The following ROR1 variants were observed in gnomAD, a reference collection of about 807,000 sequenced individuals.
The protein encoded by ROR1 is inactive tyrosine-protein kinase transmembrane receptor ROR1.
Under a neutral mutation model 78.8 loss-of-function variants are expected in ROR1, and 19 were observed. That is an observed-to-expected ratio of 0.24 (90% confidence interval 0.17 to 0.35). ROR1 has a LOEUF of 0.35. Among genes scored for constraint, ROR1 ranks in the 10% least tolerant of loss-of-function variants. ROR1 has a pLI of 1.00. For missense variants in ROR1, 917 were observed against 1,177.8 expected, an observed-to-expected ratio of 0.78 and a Z score of 3.24; for synonymous variants, 386 against 433.6, an observed-to-expected ratio of 0.89 and a Z score of 1.36.
intron 1 of ROR1, among the ~76,000 whole-genome samples, chr1:63,786,156 A>G: frequency 6.6e-6 from 1 of 150,900 alleles, no homozygotes; most frequent in East Asian, 2.0e-4. Context: ...AAAGGTGCAG[A>G]GAAAGTCCAG....
intron 1 of ROR1, among the ~76,000 whole-genome samples, chr1:63,863,788 A>C (rs1645197782): frequency 6.8e-6 from 1 of 146,758 alleles, no homozygotes; most frequent in African/African-American, 2.6e-5. Flanking sequence ...ATTGTATTGT[A>C]TTGTATTGTA....
intron 7 of ROR1, among the ~76,000 whole-genome samples, chr1:64,152,958 A>G (rs1649669799): frequency 6.6e-6 from 1 of 152,210 alleles, no homozygotes; most frequent in African/African-American, 2.4e-5. Flanking sequence ...TAAGAATGTC[A>G]TAAGTCACTT....
chr1:64,142,602 A>G lies in ROR1; in HGVS notation c.1126A>G (p.Thr376Ala). 6.2e-7 allele frequency: 1 copy of G among 1,614,120 alleles called. No individual in the cohort carries two copies. Among genetic ancestry groups the G allele is most frequent in the Non-Finnish European group, 8.5e-7 (1 of 1,180,024 alleles). The stretch of plus-strand genomic sequence containing the variant: ...TCAAAAGGAAGCTCCCTGGTGCTTC[A>G]CCTTGGATGAAAACTTTAAGTCTGA... ...GNQKEAPWCF[T>A]LDENFKSDLC... Residue 376 changes from threonine (T) to alanine (A), a missense_variant, in exon 7 of 9, where the codon ACC (threonine) becomes GCC (alanine). Around this residue, in one of 3 missense-constraint regions of ROR1, gnomAD observed 835 missense variants for 1,069.8 expected, o/e 0.78. Coordinates refer to ENST00000371079, the MANE Select transcript of ROR1 (RefSeq NM_005012.4).
chr1:63,856,080 T>C (rs990187472), intron 1 of ROR1, among the ~76,000 whole-genome samples: 3 of 144,304 alleles, frequency 2.1e-5, no homozygotes, highest in African/African-American at 7.8e-5. Context: ...TTTGATTGAC[T>C]TTTTTTTTTT....
At chr1:63,811,522 G>A (rs1450634309) in intron 1 of ROR1, among the ~76,000 whole-genome samples, 1 of 152,138 alleles carries the variant, frequency 6.6e-6, no homozygotes, top group African/African-American at 2.4e-5. Flanking sequence ...AGCTTCTGTG[G>A]GCAGCTGATT....
At chr1:64,148,642 G>A (rs1231951848) in intron 7 of ROR1, among the ~76,000 whole-genome samples, 1 of 152,178 alleles carries the variant, frequency 6.6e-6, no homozygotes, top group African/African-American at 2.4e-5. Context: ...AAAGGCGCTT[G>A]AGAACAGTCT....
intron 8 of ROR1, among the ~76,000 whole-genome samples, chr1:64,159,821 G>A (rs752529185): frequency 6.6e-6 from 1 of 152,070 alleles, no homozygotes; most frequent in Non-Finnish European, 1.5e-5. Flanking sequence ...CCCACTTTGA[G>A]CTAAATCAAC....
intron 1 of ROR1, among the ~76,000 whole-genome samples, chr1:63,825,366 A>G (rs1307030701): frequency 1.3e-5 from 2 of 152,260 alleles, no homozygotes; most frequent in African/African-American, 4.8e-5. Flanking sequence ...CAAAATAAAG[A>G]GAGGCTACCA....
intron 1 of ROR1, among the ~76,000 whole-genome samples, chr1:63,844,906 A>T (rs895119853): frequency 6.6e-6 from 1 of 152,196 alleles, no homozygotes; most frequent in African/African-American, 2.4e-5. Flanking sequence ...GAGGAGGGGT[A>T]GAAAGGAGCT....
chr1:64,097,465 G>A (rs1647341678), intron 4 of ROR1, among the ~76,000 whole-genome samples: 2 of 152,128 alleles, frequency 1.3e-5, no homozygotes, highest in Admixed American at 6.6e-5. Flanking sequence ...ATATTCAAAT[G>A]CTCTGGGGAT....
At position 63,995,115 on chromosome 1, in the gene ROR1, C is replaced by T. The variant is rs554737278; in HGVS notation, c.92-14190C>T. Among the ~76,000 whole-genome samples, 5 of 152,254 alleles carry T rather than the reference C, an allele frequency of 3.3e-5. No individual in the cohort carries two copies. In the South Asian group the frequency reaches 8.3e-4, roughly 25 times the overall value. ...CATTTTGGATGTAGATATTGACACC[C>T]GGCAACCAAGTCAAACTGTTTCCAT... is the stretch of plus-strand genomic sequence containing the variant. On this transcript the variant is annotated intron_variant, in intron 1 of 8. Transcript: ENST00000371079.
At chr1:64,064,721 G>A (rs1408265733) in intron 4 of ROR1, among the ~76,000 whole-genome samples, 1 of 152,142 alleles carries the variant, frequency 6.6e-6, no homozygotes, top group South Asian at 2.1e-4. Context: ...ACTGAGGCCT[G>A]GAGCAAAGGT....
intron 1 of ROR1, chr1:63,843,421 C>T (rs867227386): frequency 6.7e-6 from 5 of 748,318 alleles, no homozygotes; most frequent in South Asian, 2.8e-5. Context: ...TCCTTGGTCT[C>T]GTAGGTTGTG....
intron 1 of ROR1, among the ~76,000 whole-genome samples, chr1:63,836,366 C>T (rs1410361943): frequency 1.3e-5 from 2 of 152,112 alleles, no homozygotes; most frequent in African/African-American, 2.4e-5. Context: ...ACTAAATTTA[C>T]GAACCATAAA....
intron 4 of ROR1, among the ~76,000 whole-genome samples, chr1:64,132,220 G>C (rs1648935454): frequency 6.6e-6 from 1 of 152,076 alleles, no homozygotes; most frequent in South Asian, 2.1e-4. Context: ...ATCGTAACCT[G>C]TTTCAGTACC....
chr1:64,132,485 C>T (rs10889463), intron 4 of ROR1, among the ~76,000 whole-genome samples: 24,792 of 151,916 alleles, frequency 0.16, 2,244 homozygotes, highest in Middle Eastern at 0.22. Flanking sequence ...GGAGACCCGG[C>T]GTGGTGGCTC....
At chr1:64,156,232 G>C (rs1202199496) in intron 7 of ROR1, among the ~76,000 whole-genome samples, 1 of 152,166 alleles carries the variant, frequency 6.6e-6, no homozygotes, top group African/African-American at 2.4e-5. Flanking sequence ...GTGGCAAAGG[G>C]CCTACTGAAG....
At chr1:63,989,170 T>G (rs909712344) in intron 1 of ROR1, among the ~76,000 whole-genome samples, 2 of 150,372 alleles carry the variant, frequency 1.3e-5, no homozygotes, top group Non-Finnish European at 3.0e-5. Flanking sequence ...CTGTTTTTGT[T>G]TTTTTTTTTT....
chr1:63,932,624 A>G (rs941419170), intron 1 of ROR1, among the ~76,000 whole-genome samples: 3 of 152,158 alleles, frequency 2.0e-5, no homozygotes, highest in South Asian at 2.1e-4. Flanking sequence ...ACATTACCTT[A>G]CCTGATTCTC....
Sources: gnomAD v4.1 joint callset for allele counts (sites outside exome capture counted in the v4.1 genomes callset) on GRCh38, gnomAD v4.1.1 for gene constraint, gnomAD v4.1.1 regional missense constraint, MANE v1.5 for transcripts, NCBI Gene and HGNC (gene_info 2026-07-23, HGNC 2026-07-21) for gene names.